Variants in LRP2 observed in about 807,000 individuals in gnomAD.
The protein encoded by LRP2 is LDL receptor related protein 2.
Under a neutral mutation model 531.0 loss-of-function variants are expected in LRP2, and 172 were observed. That is an observed-to-expected ratio of 0.32 (90% CI 0.29 to 0.37). The LOEUF is 0.37. LRP2 is among the 10% of genes least tolerant of loss of function. LRP2 has a pLI of 1.00. For synonymous variants in LRP2, 1,992 were observed against 2,027.6 expected (o/e 0.98, Z 0.47); for missense variants, 5,167 against 5,868.3 (o/e 0.88, Z 3.90).
Position 169,140,517 on chromosome 2 carries a change from G to T in LRP2, c.13137C>A (p.Pro4379=), listed in dbSNP as rs140160600. ...TTCCTCCGTGCATGCACCTGCATGG[G>T]GGGGGCAGGTTGATAGGCAGTTCGA... The part of the protein sequence containing the change: ...AAIELPINLP[P]PCRCMHGGNC... Residue 4379 remains proline (P), a synonymous_variant, in exon 72 of 79, where the codon CCC becomes CCA. Transcript: ENST00000649046. The T allele has an allele frequency of 9.9e-6, 16 of 1,613,808 alleles. No homozygotes were observed. The African/African-American group carries it at 1.1e-4, about 11-fold the overall frequency.
In LRP2 at chr2:169,278,178, G is replaced by A. The variant is rs116331120; in HGVS notation, c.1566-227C>T. On this transcript the variant is annotated intron_variant, in intron 12 of 78. Transcript: ENST00000649046. The stretch of plus-strand genomic sequence containing the variant: ...GCAACTATTATGATGCACTAATATG[G>A]CAGTCTAAAAGTTCATATTCAGCCA... Among the ~76,000 whole-genome samples, 1,075 of 151,992 alleles carry A rather than the reference G, an allele frequency of 7.1e-3. 11 individuals are homozygous for A. Among genetic ancestry groups the A allele is most frequent in the African/African-American group, 0.022 (908 of 41,408 alleles).
intron 4 of LRP2, among the ~76,000 whole-genome samples, 161 bp downstream of exon 4, chr2:169,307,120 A>G (rs1684440736): frequency 6.6e-6 from 1 of 152,240 alleles, no homozygotes; most frequent in South Asian, 2.1e-4. Flanking sequence ...GACTCTTATC[A>G]GAACATCACC....
chr2:169,259,580 G>A (rs368953987), intron 16 of LRP2, among the ~76,000 whole-genome samples: 2 of 151,874 alleles, frequency 1.3e-5, no homozygotes, highest in South Asian at 2.1e-4. Flanking sequence ...ACCCGGAGAC[G>A]GCTCTGATAA....
At chr2:169,307,137 C>A (rs1399500917) in intron 4 of LRP2, 144 bp downstream of exon 4, 10 of 708,956 alleles carry the variant, frequency 1.4e-5, no homozygotes, top group Non-Finnish European at 2.6e-5. Flanking sequence ...CACCCCTAAT[C>A]CACAAAAGAA....
intron 47 of LRP2, among the ~76,000 whole-genome samples, chr2:169,192,706 G>A (rs973025071): frequency 1.3e-5 from 2 of 152,090 alleles, no homozygotes; most frequent in South Asian, 2.1e-4. Flanking sequence ...AAAGAACAGG[G>A]GTTTTATCCA....
In LRP2 at chr2:169,209,529, T is replaced by C. The variant is rs754643232; in HGVS notation, c.6393A>G (p.Gly2131=). 6.2e-7 allele frequency: 1 copy of C among 1,614,112 alleles called. No homozygotes were observed. The highest frequency in any genetic ancestry group is 1.7e-5 in the Admixed American group (1 of 60,004). ...GTGTCACAATGTTCATCAGAGAAGA[T>C]CCATCTGGTTTAATTCTACGGATCG... ...DNAIRRIKPD[G]SSLMNIVTHG... Residue 2131 remains glycine (G), a synonymous_variant, in exon 38 of 79, where the codon GGA becomes GGG. Coordinates refer to ENST00000649046, the MANE Select transcript of LRP2 (RefSeq NM_004525.3).
At chr2:169,316,009 A>T (rs189602162) in intron 3 of LRP2, among the ~76,000 whole-genome samples, 265 of 151,076 alleles carry the variant, frequency 1.8e-3, no homozygotes, top group Non-Finnish European at 1.4e-3. Context: ...GTATGGTGCC[A>T]TGCGCCCGTA....
intron 48 of LRP2, 118 bp downstream of exon 48, chr2:169,191,714 G>A (rs1687834739): frequency 1.3e-6 from 1 of 749,052 alleles, no homozygotes. Flanking sequence ...ATTTTCATAA[G>A]CCACTAAAAG....
chr2:169,343,409 A>G (rs1377704387), intron 1 of LRP2, among the ~76,000 whole-genome samples: 4 of 152,204 alleles, frequency 2.6e-5, no homozygotes, highest in African/African-American at 9.6e-5. Flanking sequence ...TTTATTTCAA[A>G]AAATCACAGC....
chr2:169,238,301 T>A lies in LRP2; in HGVS notation c.4296A>T (p.Ala1432=). 6.2e-7 allele frequency: 1 copy of A among 1,613,128 alleles called. No homozygotes were observed. The highest frequency in any genetic ancestry group is 8.5e-7 in the Non-Finnish European group (1 of 1,179,156). The change falls in exon 27 of 79, where the codon GCA becomes GCT. Residue 1432 remains alanine (A), a splice_region_variant and synonymous_variant. Transcript: ENST00000649046. ...ESDGRTCKVT[A]SESLLLLVAS... ...CCACAAGTAACAGCAGACTCTCAGA[T>A]GCTGTTCAAGAAAAAAATGCAAAAA...
intron 5 of LRP2, 50 bp from the exon 6 acceptor site, chr2:169,294,311 T>C (rs780409818): frequency 1.8e-6 from 2 of 1,083,024 alleles, no homozygotes. Flanking sequence ...TTAACTCCAT[T>C]GTAGCCATTT....
At chr2:169,147,167 C>T (rs911095725) in intron 68 of LRP2, among the ~76,000 whole-genome samples, 1 of 152,120 alleles carries the variant, frequency 6.6e-6, no homozygotes, top group Non-Finnish European at 1.5e-5. Flanking sequence ...AAAACTGCAC[C>T]TCCTTAATAG....
intron 63 of LRP2, among the ~76,000 whole-genome samples, chr2:169,159,441 A>G (rs1431957191): frequency 6.6e-6 from 1 of 152,192 alleles, no homozygotes; most frequent in Non-Finnish European, 1.5e-5. Flanking sequence ...ATGAAATTCA[A>G]TGGAATGCTG....
At chr2:169,221,069 T>C (rs577202411) in intron 33 of LRP2, among the ~76,000 whole-genome samples, 1 of 152,244 alleles carries the variant, frequency 6.6e-6, no homozygotes, top group Non-Finnish European at 1.5e-5. Flanking sequence ...CTGAAACACA[T>C]GAGCTGAAAT....
chr2:169,132,475 C>T, intron 77 of LRP2, 99 bp downstream of exon 77: 1 of 766,122 alleles, frequency 1.3e-6, no homozygotes, highest in Non-Finnish European at 2.4e-6. Context: ...GATCTTTGAG[C>T]CTTCCAGAAT....
At position 169,206,194 on chromosome 2, in the gene LRP2, C is replaced by A; in HGVS notation, c.7391-6G>T. ...GCCATCAGCAGTCCCTATACCTGGA[C>A]ACATACAGGCAGACACACACACAAG... On this transcript the variant is annotated splice_polypyrimidine_tract_variant and splice_region_variant and intron_variant, in intron 39 of 78. Coordinates refer to ENST00000649046, the MANE Select transcript of LRP2 (RefSeq NM_004525.3). The A allele has an allele frequency of 6.2e-7, 1 of 1,614,166 alleles. No homozygotes were observed. The highest frequency in any genetic ancestry group is 8.5e-7 in the Non-Finnish European group (1 of 1,180,024).
At chr2:169,239,094 G>C (rs1416964017) in intron 26 of LRP2, among the ~76,000 whole-genome samples, 4 of 152,100 alleles carry the variant, frequency 2.6e-5, no homozygotes, top group Non-Finnish European at 4.4e-5. Context: ...TTCTGTTTTT[G>C]TTTTAGCTTC....
chr2:169,240,842 A>T (rs1689777302), intron 25 of LRP2, 146 bp downstream of exon 25: 2 of 913,596 alleles, frequency 2.2e-6, no homozygotes, highest in African/African-American at 3.2e-5. Flanking sequence ...GAATTCAATT[A>T]TGGTTACCCC....
chr2:169,152,545 G>A (rs948793116), intron 67 of LRP2, among the ~76,000 whole-genome samples: 3 of 152,090 alleles, frequency 2.0e-5, no homozygotes, highest in African/African-American at 7.2e-5. Context: ...TCTATATCCA[G>A]ATATTGACCT....
Sources: allele counts gnomAD v4.1 joint callset (sites outside exome capture counted in the v4.1 genomes callset), GRCh38; gene constraint gnomAD v4.1.1; transcripts MANE v1.5; gene names NCBI Gene and HGNC (gene_info 2026-07-23, HGNC 2026-07-21).